Variants in ERAP2 observed in about 807,000 individuals in gnomAD.
ERAP2 encodes leukocyte-derived arginine aminopeptidase.
ERAP2 carries 118 observed loss-of-function variants against 111.1 expected under a neutral mutation model. The ratio of observed to expected loss-of-function variants is 1.06; its 90% confidence interval spans 0.92 to 1.24. The LOEUF (loss-of-function observed/expected upper bound fraction) is 1.24. Ranked by LOEUF, ERAP2 falls within the 50% of genes most tolerant of loss-of-function variation. The pLI is 0.00. For missense variants in ERAP2, 1,131 were observed against 1,125.8 expected, an observed-to-expected ratio of 1.00 and a Z score of -0.07; for synonymous variants, 410 against 401.2, an observed-to-expected ratio of 1.02 and a Z score of -0.26.
intron 17 of ERAP2, among the ~76,000 whole-genome samples, chr5:96,913,911 A>G (rs1787083937): frequency 6.6e-6 from 1 of 152,210 alleles, no homozygotes; most frequent in African/African-American, 2.4e-5. Context: ...TGGAGGTGGC[A>G]CAGTGGAGAC....
At chr5:96,889,906 A>G (rs1464592594) in intron 5 of ERAP2, among the ~76,000 whole-genome samples, 2 of 152,126 alleles carry the variant, frequency 1.3e-5, no homozygotes, top group African/African-American at 2.4e-5. Flanking sequence ...AGGAATCACC[A>G]TACCTTATTT....
chr5:96,887,092 T>TAC (rs1561365464), intron 4 of ERAP2, among the ~76,000 whole-genome samples: 1 of 99,140 alleles, frequency 1.0e-5, no homozygotes, highest in East Asian at 3.4e-4. Context: ...TATATATATA[T>TAC]ATATATATAC....
intron 5 of ERAP2, among the ~76,000 whole-genome samples, chr5:96,889,959 T>G (rs1283844845): frequency 6.6e-6 from 1 of 152,140 alleles, no homozygotes; most frequent in East Asian, 1.9e-4. Context: ...CAAAAGTTTA[T>G]GTAGAGAGAG....
intron 5 of ERAP2, among the ~76,000 whole-genome samples, chr5:96,889,818 A>T (rs10434708): frequency 0.55 from 83,335 of 150,742 alleles, 22,927 homozygotes; most frequent in South Asian, 0.6. Flanking sequence ...TGGATTTTCC[A>T]TTAAAAAATA....
intron 5 of ERAP2, among the ~76,000 whole-genome samples, chr5:96,891,396 TAC>T (rs898034372): frequency 1.0e-4 from 15 of 149,664 alleles, no homozygotes; most frequent in Admixed American, 2.0e-4. Flanking sequence ...TGTGTATACA[TAC>T]ACACACACAT....
At chr5:96,889,899 A>G (rs929703017) in intron 5 of ERAP2, among the ~76,000 whole-genome samples, 3 of 151,980 alleles carry the variant, frequency 2.0e-5, no homozygotes, top group African/African-American at 7.3e-5. Flanking sequence ...TTTCTGGAGG[A>G]ATCACCATAC....
At chr5:96,917,117 C>A (rs1437908509) in intron 18 of ERAP2, among the ~76,000 whole-genome samples, 1 of 152,008 alleles carries the variant, frequency 6.6e-6, no homozygotes, top group African/African-American at 2.4e-5. Context: ...TTTATTGTTT[C>A]TTTATTTTTG....
chr5:96,882,247 C>T (rs1051248237), intron 2 of ERAP2, among the ~76,000 whole-genome samples: 7 of 151,994 alleles, frequency 4.6e-5, no homozygotes, highest in African/African-American at 1.7e-4. Context: ...TCATTTTTTT[C>T]AAATGCCGAA....
intron 13 of ERAP2, 56 bp downstream of exon 13, chr5:96,903,616 G>A (rs1785723930): frequency 2.8e-6 from 4 of 1,448,876 alleles, no homozygotes; most frequent in Admixed American, 2.2e-5. Flanking sequence ...AACCAGATAT[G>A]CTAGACTTCA....
rs1013687331 is a variant in ERAP2, at chr5:96,917,740, G to A, written c.*135G>A. Reference sequence around the variant, plus strand: ...GCTAACACGGTGAGACCCCGTCTCCGCTAAAAATACAAAAAATTAGCCGGG... The same window carrying A: ...GCTAACACGGTGAGACCCCGTCTCCACTAAAAATACAAAAAATTAGCCGGG... On this transcript the variant is annotated 3_prime_UTR_variant, in exon 19 of 19. Coordinates refer to ENST00000437043, the MANE Select transcript of ERAP2 (RefSeq NM_022350.5). The A allele has an allele frequency of 3.0e-5, 17 of 563,520 alleles. No homozygotes were observed. The highest frequency in any genetic ancestry group is 4.0e-5 in the African/African-American group (2 of 50,138). The allele number at this position is 563,520 out of a possible 1,614,324, so 34.9% of individuals were successfully genotyped here. A position where few individuals can be genotyped will look rare whatever the true frequency, so the allele number is the denominator to read the frequency against.
chr5:96,899,354 CT>C (rs1785207391), intron 9 of ERAP2, among the ~76,000 whole-genome samples: 2 of 152,182 alleles, frequency 1.3e-5, no homozygotes, highest in African/African-American at 2.4e-5. Context: ...CCAAAGGGCC[CT>C]GTAGTATTAA....
chr5:96,890,471 C>T (rs754268912), intron 5 of ERAP2, among the ~76,000 whole-genome samples: 3 of 152,196 alleles, frequency 2.0e-5, no homozygotes, highest in Non-Finnish European at 4.4e-5. Context: ...AGGCCATTGA[C>T]AGGTACTGGT....
intron 7 of ERAP2, 30 bp from the exon 8 acceptor site, chr5:96,896,343 C>T: frequency 6.3e-7 from 1 of 1,576,688 alleles, no homozygotes; most frequent in Non-Finnish European, 8.7e-7. Context: ...CAAATAGAAA[C>T]TAAAACTAAA....
At chr5:96,899,321 T>C in intron 9 of ERAP2, among the ~76,000 whole-genome samples, 1 of 152,188 alleles carries the variant, frequency 6.6e-6, no homozygotes, top group Middle Eastern at 3.2e-3. Flanking sequence ...AGGTCCTAGA[T>C]TTTGACCAAC....
At chr5:96,916,873 C>T (rs113402963) in intron 18 of ERAP2, among the ~76,000 whole-genome samples, 3 of 151,946 alleles carry the variant, frequency 2.0e-5, no homozygotes, top group African/African-American at 7.2e-5. Flanking sequence ...TAAATCCCAG[C>T]TCACCATTTA....
At position 96,896,856 on chromosome 5, in the gene ERAP2, T is replaced by A. The variant is rs1031783843; in HGVS notation, c.1496T>A (p.Leu499Gln). The change falls in exon 9 of 19, where the codon CTG becomes CAG. Residue 499 changes from leucine (L) to glutamine (Q), a missense_variant. By Grantham distance (113) the Leu-to-Gln change is moderately radical (BLOSUM62 -2). Transcript: ENST00000437043. ...AAGAATGATGACTTGTGGAGCAGTCTGTCAAATGTAAGTCATATGTTGGGT... is the reference window on the plus strand; with the variant it reads ...AAGAATGATGACTTGTGGAGCAGTCAGTCAAATGTAAGTCATATGTTGGGT... ...NAKNDDLWSS[L>Q]SNSCLESDFT... The A allele has an allele frequency of 1.3e-6, 2 of 1,581,702 alleles. No individual in the cohort carries two copies. Among genetic ancestry groups the A allele is most frequent in the Non-Finnish European group, 1.7e-6 (2 of 1,170,368 alleles).
chr5:96,901,503 C>G lies in ERAP2; in HGVS notation c.1573-3C>G. ...GAGTTATCATAGTCACCTGTCATTT[C>G]AGCTCGCCTTTCTGGGGGAAAATGC... On this transcript the variant is annotated splice_polypyrimidine_tract_variant and splice_region_variant and intron_variant, in intron 10 of 18. Coordinates refer to ENST00000437043, the MANE Select transcript of ERAP2 (RefSeq NM_022350.5). The G allele has an allele frequency of 6.2e-7, 1 of 1,612,908 alleles. No homozygotes were observed. The highest frequency in any genetic ancestry group is 8.5e-7 in the Non-Finnish European group (1 of 1,179,172).
chr5:96,909,849 CT>C, intron 15 of ERAP2, 85 bp downstream of exon 15: 1 of 1,358,414 alleles, frequency 7.4e-7, no homozygotes, highest in Non-Finnish European at 1.0e-6. Flanking sequence ...GGTCTAAAAC[CT>C]TTTAGTGAGG....
chr5:96,899,242 A>G (rs1005433181), intron 9 of ERAP2, among the ~76,000 whole-genome samples: 2 of 152,218 alleles, frequency 1.3e-5, no homozygotes, highest in Non-Finnish European at 1.5e-5. Flanking sequence ...TTCTAAGTCC[A>G]ATAGTTATTC....
Sources: allele counts gnomAD v4.1 joint callset (sites outside exome capture counted in the v4.1 genomes callset), GRCh38; gene constraint gnomAD v4.1.1; transcripts MANE v1.5; gene names NCBI Gene and HGNC (gene_info 2026-07-23, HGNC 2026-07-21).